Variants in ARHGEF15 observed in about 807,000 individuals in gnomAD.
ARHGEF15 encodes the protein Rho guanine nucleotide exchange factor (GEF) 15.
ARHGEF15 carries 58 observed loss-of-function variants against 79.7 expected under a neutral mutation model. The ratio of observed to expected loss-of-function variants is 0.73; its 90% CI spans 0.59 to 0.91. ARHGEF15 has a LOEUF of 0.91. ARHGEF15 is among the 40% of genes least tolerant of loss of function. The pLI is 0.00. For missense variants in ARHGEF15, 1,012 were observed against 1,108.1 expected (o/e 0.91, Z 1.23); for synonymous variants, 442 against 456.0 (o/e 0.97, Z 0.39).
Position 8,318,952 on chromosome 17 carries a change from G to A in ARHGEF15, c.2033+42G>A, listed in dbSNP as rs1338108611. On this transcript the variant is annotated intron_variant, in intron 12 of 15. Transcript: ENST00000361926. The surrounding 1 kb of genome is among the most constrained non-coding windows in gnomAD (Gnocchi z 5.0). ...GAAGGAGCCCAGGCTGGAGTGGGCAGGAGGGGTCCAGCGGGACCCCTGCTG... is the reference window on the plus strand; with the variant it reads ...GAAGGAGCCCAGGCTGGAGTGGGCAAGAGGGGTCCAGCGGGACCCCTGCTG... The A allele has an allele frequency of 2.5e-6, 4 of 1,609,216 alleles. No homozygotes were observed. The Admixed American group carries it at 6.7e-5, about 27-fold the overall frequency.
chr17:8,312,736 T>G, intron 2 of ARHGEF15, 96 bp downstream of exon 2: 1 of 1,600,596 alleles, frequency 6.2e-7, no homozygotes, highest in Admixed American at 1.7e-5. Flanking sequence ...TTTTCAAAAA[T>G]GGAGTTAATG....
Position 8,315,233 on chromosome 17 carries a change from G to T in ARHGEF15, c.1216G>T (p.Gly406Cys). ...GGAGCTTCCGGCTGTGCAAGCCAGC[G>T]GTCTTCTGGATACCCTCAGCCCCCA... ...WQELPAVQAS[G>C]LLDTLSPQER... Residue 406 changes from glycine to cysteine, a missense_variant, in exon 6 of 16, where the codon GGT (glycine) becomes TGT (cysteine). Around this residue, in one of 3 missense-constraint regions of ARHGEF15, gnomAD observed 818 missense variants for 882.5 expected, o/e 0.93. Coordinates refer to ENST00000361926, the MANE Select transcript of ARHGEF15 (RefSeq NM_173728.4). The surrounding 1 kb of genome is among the most constrained non-coding windows in gnomAD (Gnocchi z 4.3). 1 of 1,613,562 alleles carries T rather than the reference G, an allele frequency of 6.2e-7. No individual in the cohort carries two copies. Among genetic ancestry groups the T allele is most frequent in the East Asian group, 2.2e-5 (1 of 44,860 alleles).
chr17:8,318,565 C>T lies in ARHGEF15; in HGVS notation c.1780-5C>T. On this transcript the variant is annotated splice_region_variant and splice_polypyrimidine_tract_variant and intron_variant, in intron 10 of 15. Coordinates refer to ENST00000361926, the MANE Select transcript of ARHGEF15 (RefSeq NM_173728.4). The surrounding 1 kb of genome is among the most constrained non-coding windows in gnomAD (Gnocchi z 5.0). The stretch of plus-strand genomic sequence containing the variant: ...TGGGGTGGTGACACAGCTCCCCTTA[C>T]CTAGATCATCGAGCGTTGCAGCGCT... The T allele has an allele frequency of 1.2e-6, 2 of 1,613,212 alleles. No individual in the cohort carries two copies. The highest frequency in any genetic ancestry group is 1.7e-6 in the Non-Finnish European group (2 of 1,179,352).
chr17:8,321,168 C>A lies in ARHGEF15; in HGVS notation c.*175C>A. 1 of 822,332 alleles carries A rather than the reference C, an allele frequency of 1.2e-6. No homozygotes were observed. The highest frequency in any genetic ancestry group is 1.9e-6 in the Non-Finnish European group (1 of 536,880). 50.9% of individuals were successfully genotyped at this position (822,332 alleles called of 1,614,324 possible). ...TGAAAACGGCCGCCTGAACCCACAG[C>A]AATAAGAATGAATGAGGATGCCTTG... On this transcript the variant is annotated 3_prime_UTR_variant, in exon 16 of 16. Coordinates refer to ENST00000361926, the MANE Select transcript of ARHGEF15 (RefSeq NM_173728.4).
chr17:8,311,088 T>C (rs1458653326), intron 1 of ARHGEF15, among the ~76,000 whole-genome samples: 1 of 151,862 alleles, frequency 6.6e-6, no homozygotes, highest in East Asian at 1.9e-4. Flanking sequence ...TGTTCCCCCC[T>C]CATCATTTCT....
In ARHGEF15 at chr17:8,312,138, C is replaced by T. The variant is rs1567673633; in HGVS notation, c.99C>T (p.Ser33=). 3 of 1,606,860 alleles carry T rather than the reference C, an allele frequency of 1.9e-6. No homozygotes were observed. The highest frequency in any genetic ancestry group is 2.5e-6 in the Non-Finnish European group (3 of 1,176,646). The change falls in exon 2 of 16, where the codon TCC becomes TCT. Residue 33 remains serine (S), a synonymous_variant. Transcript: ENST00000361926. The stretch of plus-strand genomic sequence containing the variant: ...CTTCTCGTTCCAGGGCTGCCCAGTC[C>T]CCAGGGCCTCCCCACAATGGCTCCT... ...RPPSRSRAAQ[S]PGPPHNGSSP... is the part of the protein sequence containing the mutation.
chr17:8,315,608 C>G lies in ARHGEF15; in HGVS notation c.1421+34C>G. 6.2e-7 allele frequency: 1 copy of G among 1,604,392 alleles called. No individual in the cohort carries two copies. On this transcript the variant is annotated intron_variant, in intron 7 of 15. Transcript: ENST00000361926. The surrounding 1 kb of genome is among the most constrained non-coding windows in gnomAD (Gnocchi z 4.3). ...CTTTCCGTCCTTCCAGGGAACCTGCCCTTAGGCTGCTGGGCACGCCCTTTC... is the reference window on the plus strand; with the variant it reads ...CTTTCCGTCCTTCCAGGGAACCTGCGCTTAGGCTGCTGGGCACGCCCTTTC...
intron 15 of ARHGEF15, 84 bp from the exon 16 acceptor site, chr17:8,320,758 G>T: frequency 8.0e-7 from 1 of 1,249,434 alleles, no homozygotes; most frequent in Non-Finnish European, 1.1e-6. Flanking sequence ...GACCCTGAAG[G>T]CCTGAGACCC....
Position 8,319,251 on chromosome 17 carries a change from C to T in ARHGEF15, c.2187-61C>T, listed in dbSNP as rs1905221478. 2.9e-5 allele frequency: 47 copies of T among 1,605,220 alleles called. No homozygotes were observed. In the South Asian group the frequency reaches 5.2e-4, roughly 18 times the overall value. ...TCCCCAGTCTCTCTCTTCTGTGGCT[C>T]CTGCCTCAGCCCCAGAGGATCTTTT... On this transcript the variant is annotated intron_variant, in intron 13 of 15. Transcript: ENST00000361926.
At chr17:8,311,433 C>T (rs544310453) in intron 1 of ARHGEF15, among the ~76,000 whole-genome samples, 19 of 152,164 alleles carry the variant, frequency 1.2e-4, no homozygotes, top group African/African-American at 4.6e-4. Flanking sequence ...GGGTCAGAGG[C>T]TCCAAGAATC....
chr17:8,319,258 C>A, intron 13 of ARHGEF15, 54 bp from the exon 14 acceptor site: 1 of 1,606,656 alleles, frequency 6.2e-7, no homozygotes, highest in African/African-American at 1.3e-5. Context: ...GCTCCTGCCT[C>A]AGCCCCAGAG....
chr17:8,321,797 T>G lies in ARHGEF15; in HGVS notation c.*804T>G, dbSNP rs1167978798. 2 of 152,142 alleles carry G rather than the reference T, an allele frequency of 1.3e-5. No individual in the cohort carries two copies. The highest frequency in any genetic ancestry group is 2.9e-5 in the Non-Finnish European group (2 of 68,044). 9.4% of individuals were successfully genotyped at this position (152,142 alleles called of 1,614,324 possible). Reference sequence around the variant, plus strand: ...TGGGTGTGGCTTGGCACCCAGGGGATGAGAGCCCTGAGCTTTGGGTCTCTT... The same window carrying G: ...TGGGTGTGGCTTGGCACCCAGGGGAGGAGAGCCCTGAGCTTTGGGTCTCTT... On this transcript the variant is annotated 3_prime_UTR_variant, in exon 16 of 16. Coordinates refer to ENST00000361926, the MANE Select transcript of ARHGEF15 (RefSeq NM_173728.4).
rs550687567 is a variant in ARHGEF15, at chr17:8,312,543, A to G, written c.504A>G (p.Ala168=). The G allele has an allele frequency of 3.7e-5, 59 of 1,609,236 alleles. No individual in the cohort carries two copies. The African/African-American group carries it at 5.6e-4, about 15-fold the overall frequency. ...GTGCTGAAGGCCGGGCTCAGGATGC[A>G]GATGCCCCGGAGCCAGGTCTCCAAG... ...EGGAEGRAQD[A]DAPEPGLQAR... is the part of the protein sequence containing the mutation. Residue 168 remains alanine (A), a synonymous_variant, in exon 2 of 16, where the codon GCA becomes GCG. Transcript: ENST00000361926.
chr17:8,319,670 C>T lies in ARHGEF15; in HGVS notation c.2374+67C>T, dbSNP rs956252179. ...TTATTTTTTGAGACAGAGTCTCATT[C>T]TGTCAGCCAGGCTAGAGTGCAGTGG... is the stretch of plus-strand genomic sequence containing the variant. On this transcript the variant is annotated intron_variant, in intron 15 of 15. Coordinates refer to ENST00000361926, the MANE Select transcript of ARHGEF15 (RefSeq NM_173728.4). 5.3e-6 allele frequency: 7 copies of T among 1,318,942 alleles called. No individual in the cohort carries two copies. In the South Asian group the frequency reaches 1.2e-4, roughly 23 times the overall value. The allele number at this position is 1,318,942 out of a possible 1,614,324, so 81.7% of individuals were successfully genotyped here.
At position 8,315,116 on chromosome 17, in the gene ARHGEF15, G is replaced by C. The variant is rs746223199; in HGVS notation, c.1099G>C (p.Gly367Arg). The part of the protein sequence containing the change: ...RAAVLSEELW[G>R]VGEDGSPSPA... ...AGCCGTGCTGTCAGAGGAGCTGTGG[G>C]GGGTGGGTGAGGATGGGAGTCCTTC... The change falls in exon 6 of 16, where the codon GGG becomes CGG. Residue 367 changes from glycine to arginine, a missense_variant. Gly to Arg is a moderately radical substitution (Grantham distance 125). This residue lies in a region of ARHGEF15 where 818 missense variants were observed against 882.5 expected (regional missense o/e 0.93). Coordinates refer to ENST00000361926, the MANE Select transcript of ARHGEF15 (RefSeq NM_173728.4). This position sits in a 1 kb window ranked among gnomAD's most constrained non-coding sequence, Gnocchi z 4.3. 2 of 1,614,026 alleles carry C rather than the reference G, an allele frequency of 1.2e-6. No homozygotes were observed. The highest frequency in any genetic ancestry group is 8.5e-7 in the Non-Finnish European group (1 of 1,179,980).
Position 8,319,513 on chromosome 17 carries a change from C to A in ARHGEF15, c.2284C>A (p.Leu762Met). 6.2e-7 allele frequency: 1 copy of A among 1,606,388 alleles called. No homozygotes were observed. The highest frequency in any genetic ancestry group is 8.5e-7 in the Non-Finnish European group (1 of 1,177,014). ...CCCCCAACCAGACTGTTCCCAGGAA[C>A]TGTGTTCAGAGTCGTCTGCACCTGC... Reference protein sequence around the residue: ...IYEDCDCSQELCSESSAPAKT... With the variant: ...IYEDCDCSQEMCSESSAPAKT... The change falls in exon 15 of 16, where the codon CTG (leucine) becomes ATG (methionine). Residue 762 changes from leucine to methionine, a missense_variant. Leu to Met is a conservative substitution (Grantham distance 15, BLOSUM62 2). Coordinates refer to ENST00000361926, the MANE Select transcript of ARHGEF15 (RefSeq NM_173728.4).
chr17:8,316,228 T>G (rs1345159859), intron 9 of ARHGEF15, 80 bp downstream of exon 9: 15 of 1,532,216 alleles, frequency 9.8e-6, no homozygotes, highest in African/African-American at 1.4e-5. Flanking sequence ...GCCCTCCAGC[T>G]ATCACCATGC....
rs1367822143 is a variant in ARHGEF15 at position 8,321,917 on chromosome 17, G to A, written c.*924G>A. 2.6e-5 allele frequency: 4 copies of A among 152,598 alleles called. No individual in the cohort carries two copies. The highest frequency in any genetic ancestry group is 4.4e-5 in the Non-Finnish European group (3 of 68,072). 9.5% of individuals were successfully genotyped at this position (152,598 alleles called of 1,614,324 possible). On this transcript the variant is annotated 3_prime_UTR_variant, in exon 16 of 16. Coordinates refer to ENST00000361926, the MANE Select transcript of ARHGEF15 (RefSeq NM_173728.4). Reference sequence around the variant, plus strand: ...AAGGGACTGAAGATGGCCAGTAGCTGGGTCCTGAGGCCCCTGAAGTCTGCA... The same window carrying A: ...AAGGGACTGAAGATGGCCAGTAGCTAGGTCCTGAGGCCCCTGAAGTCTGCA...
At position 8,318,575 on chromosome 17, in the gene ARHGEF15, C is replaced by G. The variant is rs779827070; in HGVS notation, c.1785C>G (p.Ile595Met). 1.9e-6 allele frequency: 3 copies of G among 1,613,240 alleles called. No homozygotes were observed. The highest frequency in any genetic ancestry group is 2.5e-6 in the Non-Finnish European group (3 of 1,179,436). ...ACACAGCTCCCCTTACCTAGATCAT[C>G]GAGCGTTGCAGCGCTGAGGTGGGGC... ...QKALGAVSKI[I>M]ERCSAEVGRM... Residue 595 changes from isoleucine (I) to methionine (M), a missense_variant, in exon 11 of 16, where the codon ATC becomes ATG. Ile to Met is a conservative substitution (Grantham distance 10). Coordinates refer to ENST00000361926, the MANE Select transcript of ARHGEF15 (RefSeq NM_173728.4). The surrounding 1 kb of genome is among the most constrained non-coding windows in gnomAD (Gnocchi z 5.0).
Sources: gnomAD v4.1 joint callset for allele counts (sites outside exome capture counted in the v4.1 genomes callset) on GRCh38, gnomAD v4.1.1 for gene constraint, gnomAD v4.1.1 regional missense constraint, Gnocchi (gnomAD v3.1) non-coding constraint, MANE v1.5 for transcripts, NCBI Gene and HGNC (gene_info 2026-07-23, HGNC 2026-07-21) for gene names.